Variants in ULK4 observed in about 807,000 individuals in gnomAD.
ULK4 encodes unc-51 like kinase 4, also known as inactive serine/threonine-protein kinase ULK4.
A neutral mutation model predicts 160.6 loss-of-function variants in ULK4; 133 were observed. The ratio of observed to expected loss-of-function variants is 0.83; its 90% CI spans 0.72 to 0.96. The LOEUF is 0.96. Among genes scored for constraint, ULK4 ranks in the 40% least tolerant of loss-of-function variants. The pLI is 0.00. For missense variants in ULK4, 1,580 were observed against 1,499.5 expected (o/e 1.05, Z -0.89); for synonymous variants, 534 against 539.8 (o/e 0.99, Z 0.15).
intron 17 of ULK4, among the ~76,000 whole-genome samples, chr3:41,846,285 A>G (rs6797165): frequency 0.33 from 50,329 of 152,070 alleles, 12,752 homozygotes; most frequent in African/African-American, 0.71. Context: ...ATAAGAATAA[A>G]GAACAAATAT....
At position 41,815,951 on chromosome 3, in the gene ULK4, T is replaced by C. The variant is rs142621419; in HGVS notation, c.1848+3472A>G. ...ACAAAAAGCACAAATCATAAAGGAA[T>C]AGATAAACTGAGCTACACAGAGCAT... On this transcript the variant is annotated intron_variant, in intron 19 of 36. Coordinates refer to ENST00000301831, the MANE Select transcript of ULK4 (RefSeq NM_017886.4). Among the ~76,000 whole-genome samples, 146 of 152,166 alleles carry C rather than the reference T, an allele frequency of 9.6e-4. 1 individual carries two copies. The highest frequency in any genetic ancestry group is 3.2e-3 in the African/African-American group (131 of 41,504).
Position 41,883,998 on chromosome 3 carries a change from C to T in ULK4, c.1578-46G>A, listed in dbSNP as rs370636454. The T allele has an allele frequency of 3.7e-4, 500 of 1,359,016 alleles. 2 individuals carry two copies. Among genetic ancestry groups the T allele is most frequent in the South Asian group, 2.5e-3 (215 of 85,516 alleles). The allele number at this position is 1,359,016 out of a possible 1,614,324, so 84.2% of individuals were successfully genotyped here. ...GGCTCTGAAAAGAAGAGTCGGGGAC[C>T]GAGGAAACTAATCCCAGCTAGTTAC... On this transcript the variant is annotated intron_variant, in intron 16 of 36. Coordinates refer to ENST00000301831, the MANE Select transcript of ULK4 (RefSeq NM_017886.4).
chr3:41,880,957 T>C (rs1160761703), intron 17 of ULK4, among the ~76,000 whole-genome samples: 1 of 152,060 alleles, frequency 6.6e-6, no homozygotes, highest in Non-Finnish European at 1.5e-5. Flanking sequence ...TAAAATAAGA[T>C]GCTTATAGGG....
At chr3:41,906,387 G>C (rs758982325) in intron 12 of ULK4, among the ~76,000 whole-genome samples, 6 of 152,066 alleles carry the variant, frequency 3.9e-5, no homozygotes, top group Non-Finnish European at 8.8e-5. Context: ...AACTTAGCCG[G>C]GTGTGGTGGC....
intron 17 of ULK4, among the ~76,000 whole-genome samples, chr3:41,879,611 A>C (rs1697434152): frequency 6.6e-6 from 1 of 152,004 alleles, no homozygotes; most frequent in Non-Finnish European, 1.5e-5. Context: ...CAGCCTCCTG[A>C]GTAGCTGGGA....
chr3:41,421,112 A>C (rs2082655609), intron 34 of ULK4, among the ~76,000 whole-genome samples: 1 of 121,956 alleles, frequency 8.2e-6, no homozygotes, highest in African/African-American at 3.9e-5. Context: ...GTGAGACCCC[A>C]TCTCAAAAAA....
intron 21 of ULK4, among the ~76,000 whole-genome samples, chr3:41,764,368 T>C (rs955693393): frequency 2.0e-5 from 3 of 152,170 alleles, no homozygotes; most frequent in Non-Finnish European, 4.4e-5. Context: ...ACCATAAAGA[T>C]TGAAGACTCC....
At chr3:41,302,733 A>T (rs950427383) in intron 35 of ULK4, among the ~76,000 whole-genome samples, 2 of 152,180 alleles carry the variant, frequency 1.3e-5, no homozygotes, top group Non-Finnish European at 2.9e-5. Context: ...TAGAGTACTA[A>T]TAAAAAGCTC....
In ULK4 at chr3:41,737,415, A is replaced by G. The variant is rs373253104; in HGVS notation, c.2321+16946T>C. Among the ~76,000 whole-genome samples, 10 of 152,066 alleles carry G rather than the reference A, an allele frequency of 6.6e-5. No homozygotes were observed. In the South Asian group the frequency reaches 1.5e-3, roughly 22 times the overall value. On this transcript the variant is annotated intron_variant, in intron 22 of 36. Transcript: ENST00000301831. ...CCATGCTCATGGGTAGGAAGAATCA[A>G]TATCATGAAAATGGCCATACTGCCC...
At chr3:41,324,397 T>A (rs1575433272) in intron 35 of ULK4, among the ~76,000 whole-genome samples, 1 of 152,262 alleles carries the variant, frequency 6.6e-6, no homozygotes, top group African/African-American at 2.4e-5. Context: ...TGCACAGAGC[T>A]ATACAAATGT....
At chr3:41,339,123 A>G (rs996321157) in intron 35 of ULK4, among the ~76,000 whole-genome samples, 8 of 151,876 alleles carry the variant, frequency 5.3e-5, no homozygotes, top group African/African-American at 1.5e-4. Context: ...AGCTACCACA[A>G]GCAGAAAGAT....
chr3:41,313,613 T>G (rs1408812927), intron 35 of ULK4, among the ~76,000 whole-genome samples: 4 of 152,228 alleles, frequency 2.6e-5, no homozygotes, highest in Admixed American at 2.6e-4. Context: ...ATTCAACACA[T>G]TTATTTTCAA....
At chr3:41,738,709 G>T (rs2038136991) in intron 22 of ULK4, among the ~76,000 whole-genome samples, 1 of 151,930 alleles carries the variant, frequency 6.6e-6, no homozygotes, top group Non-Finnish European at 1.5e-5. Flanking sequence ...ACAAGTTATT[G>T]CACCTTCTGT....
At chr3:41,429,783 C>T (rs942874220) in intron 34 of ULK4, among the ~76,000 whole-genome samples, 2 of 152,048 alleles carry the variant, frequency 1.3e-5, no homozygotes, top group African/African-American at 4.8e-5. Flanking sequence ...GGATAAATAG[C>T]TAATGCATGC....
At chr3:41,533,646 T>C (rs189133851) in intron 32 of ULK4, among the ~76,000 whole-genome samples, 126 of 152,304 alleles carry the variant, frequency 8.3e-4, no homozygotes, top group Non-Finnish European at 1.4e-3. Flanking sequence ...CCATGCTATG[T>C]TGGCAGAATT....
At chr3:41,886,015 G>T (rs1221710884) in intron 16 of ULK4, among the ~76,000 whole-genome samples, 1 of 152,122 alleles carries the variant, frequency 6.6e-6, no homozygotes, top group African/African-American at 2.4e-5. Context: ...ACAGCTGAGG[G>T]TGAGGGAGAC....
At chr3:41,799,473 G>C (rs1421397971) in intron 20 of ULK4, among the ~76,000 whole-genome samples, 1 of 152,094 alleles carries the variant, frequency 6.6e-6, no homozygotes, top group Non-Finnish European at 1.5e-5. Flanking sequence ...AATCTGAATG[G>C]GGATGCTAAC....
At chr3:41,811,364 G>A (rs75631299) in intron 19 of ULK4, among the ~76,000 whole-genome samples, 244 of 152,094 alleles carry the variant, frequency 1.6e-3, no homozygotes, top group African/African-American at 5.5e-3. Context: ...TTTTAGAGAC[G>A]GGGTTTCATT....
intron 27 of ULK4, among the ~76,000 whole-genome samples, chr3:41,687,372 AAG>A (rs2036137574): frequency 1.3e-5 from 2 of 151,132 alleles, no homozygotes; most frequent in African/African-American, 4.9e-5. Flanking sequence ...ACTCCATCTC[AAG>A]AAAAAAAAAA....
Sources: allele counts gnomAD v4.1 joint callset (sites outside exome capture counted in the v4.1 genomes callset), GRCh38; gene constraint gnomAD v4.1.1; transcripts MANE v1.5; gene names NCBI Gene and HGNC (gene_info 2026-07-23, HGNC 2026-07-21).